The following ARHGAP6 variants were observed in gnomAD, a reference collection of about 807,000 sequenced individuals.
The protein encoded by ARHGAP6 is Rho GTPase activating protein 6.
Under a neutral mutation model 55.7 loss-of-function variants are expected in ARHGAP6, and 16 were observed. The ratio of observed to expected loss-of-function variants is 0.29; its 90% CI spans 0.19 to 0.44. The LOEUF is 0.44. Among genes scored for constraint, ARHGAP6 ranks in the 20% least tolerant of loss-of-function variants. The pLI is 1.00. For synonymous variants in ARHGAP6, 382 were observed against 360.9 expected, an observed-to-expected ratio of 1.06 and a Z score of -0.66; for missense variants, 698 against 808.9, an observed-to-expected ratio of 0.86 and a Z score of 1.66.
intron 1 of ARHGAP6, among the ~76,000 whole-genome samples, chrX:11,614,880 G>T (rs997837964): frequency 9.0e-6 from 1 of 111,224 alleles, no homozygotes; most frequent in African/African-American, 3.3e-5. Context: ...AATTTCATGG[G>T]TGGAGGCTGG....
intron 1 of ARHGAP6, among the ~76,000 whole-genome samples, chrX:11,644,092 C>T (rs752201238): frequency 9.0e-6 from 1 of 111,330 alleles, no homozygotes; most frequent in South Asian, 3.8e-4. Context: ...GTAGGTAATT[C>T]AATGTTGTAC....
intron 1 of ARHGAP6, among the ~76,000 whole-genome samples, chrX:11,503,889 C>T (rs2050705302): frequency 9.0e-6 from 1 of 111,204 alleles, no homozygotes; most frequent in South Asian, 3.7e-4. Flanking sequence ...CACACACAAA[C>T]ACATGCACAC....
intron 1 of ARHGAP6, among the ~76,000 whole-genome samples, chrX:11,289,574 A>G (rs2047961173): frequency 8.9e-6 from 1 of 112,248 alleles, no homozygotes; most frequent in Admixed American, 9.4e-5. Flanking sequence ...TCCACTTAAC[A>G]ATGTATCACC....
intron 1 of ARHGAP6, among the ~76,000 whole-genome samples, chrX:11,506,345 C>T (rs1012626078): frequency 4.5e-5 from 5 of 110,882 alleles, no homozygotes; most frequent in African/African-American, 1.6e-4. Flanking sequence ...CACCCATCAA[C>T]CTATCACCTA....
chrX:11,417,059 C>CATATATATAT lies in ARHGAP6; in HGVS notation c.589-162362_589-162353dup, dbSNP rs768174897. On this transcript the variant is annotated intron_variant, in intron 1 of 12. Coordinates refer to ENST00000337414, the MANE Select transcript of ARHGAP6 (RefSeq NM_013427.3). ...AGGATGTTCTTTATATGGGTGTGTACATATATATATATATATATATATATA... is the reference window on the plus strand; with the variant it reads ...AGGATGTTCTTTATATGGGTGTGTACATATATATATATATATATATATATATATATATATA... Among the ~76,000 whole-genome samples the CATATATATAT allele has an allele frequency of 5.3e-3, 175 of 33,326 alleles. 3 individuals carry two copies. Among genetic ancestry groups the CATATATATAT allele is most frequent in the Non-Finnish European group, 6.8e-3 (137 of 20,006 alleles). 28.9% of individuals were successfully genotyped at this position (33,326 alleles called of 115,157 possible).
intron 2 of ARHGAP6, chrX:11,223,221 GAAAC>G (rs2046996462): frequency 1.3e-5 from 2 of 154,390 alleles, no homozygotes; most frequent in South Asian, 1.3e-4. Flanking sequence ...AGCTTGCAAC[GAAAC>G]AAACAACAAA....
intron 1 of ARHGAP6, among the ~76,000 whole-genome samples, chrX:11,534,948 T>C (rs946178437): frequency 1.8e-5 from 2 of 111,660 alleles, no homozygotes; most frequent in African/African-American, 6.5e-5. Context: ...GGCTACTATA[T>C]TGAACAGTGC....
At position 11,332,529 on chromosome X, in the gene ARHGAP6, AC is replaced by A. The variant is rs1043879207; in HGVS notation, c.589-77823del. 2.9e-4 allele frequency among the ~76,000 whole-genome samples: 33 copies of A among 112,167 alleles called. 1 individual carries two copies. The highest frequency in any genetic ancestry group is 4.6e-3 in the Middle Eastern group (1 of 217). On this transcript the variant is annotated intron_variant, in intron 1 of 12. Coordinates refer to ENST00000337414, the MANE Select transcript of ARHGAP6 (RefSeq NM_013427.3). ...CATCCCTATGCTTTGTGAAGTGAAT[AC>A]ATCAAAGTGCCTCTCTTCCAAGATG...
At position 11,665,337 on chromosome X, in the gene ARHGAP6, C is replaced by A. The variant is rs1388032113; in HGVS notation, c.-509G>T. 8.8e-6 allele frequency: 1 copy of A among 113,606 alleles called. No homozygotes were observed. Among genetic ancestry groups the A allele is most frequent in the Non-Finnish European group, 1.9e-5 (1 of 53,645 alleles). The allele number at this position is 113,606 out of a possible 1,213,427, so 9.4% of individuals were successfully genotyped here. ...GCCCAGGGCGCGTCCACCGCGCTCC[C>A]GGCGCCGCGAGAACTTCCTCCCGCT... On this transcript the variant is annotated 5_prime_UTR_variant, in exon 1 of 13. Coordinates refer to ENST00000337414, the MANE Select transcript of ARHGAP6 (RefSeq NM_013427.3).
At chrX:11,208,031 A>G (rs1392491688) in intron 2 of ARHGAP6, among the ~76,000 whole-genome samples, 2 of 112,110 alleles carry the variant, frequency 1.8e-5, no homozygotes, top group East Asian at 2.8e-4. Context: ...TTTCCAATTA[A>G]GTACTGAATA....
intron 1 of ARHGAP6, among the ~76,000 whole-genome samples, chrX:11,614,661 C>T (rs773883270): frequency 4.6e-4 from 52 of 112,026 alleles, no homozygotes; most frequent in African/African-American, 1.6e-3. Context: ...CACAGAATGA[C>T]TGTTAAAACA....
chrX:11,160,660 CTT>C (rs1166003916), intron 9 of ARHGAP6, among the ~76,000 whole-genome samples: 1 of 111,685 alleles, frequency 9.0e-6, no homozygotes, highest in East Asian at 2.8e-4. Flanking sequence ...TAAAAAATAA[CTT>C]TCCATAAATT....
At chrX:11,314,745 T>C (rs754762044) in intron 1 of ARHGAP6, among the ~76,000 whole-genome samples, 6 of 111,359 alleles carry the variant, frequency 5.4e-5, no homozygotes, top group Admixed American at 1.9e-4. Flanking sequence ...TGAGAACACA[T>C]GGACACATGG....
chrX:11,201,604 A>T (rs918446821), intron 2 of ARHGAP6, among the ~76,000 whole-genome samples: 2 of 112,077 alleles, frequency 1.8e-5, no homozygotes, highest in Non-Finnish European at 3.8e-5. Context: ...TAAAAGAAAG[A>T]AGTTCAATTG....
At chrX:11,183,389 C>A (rs1055800602) in intron 5 of ARHGAP6, among the ~76,000 whole-genome samples, 16 of 111,784 alleles carry the variant, frequency 1.4e-4, no homozygotes, top group African/African-American at 5.2e-4. Context: ...GTTCACATTT[C>A]TGATTGCTTT....
chrX:11,228,006 T>C (rs2047079051), intron 2 of ARHGAP6, among the ~76,000 whole-genome samples: 1 of 110,974 alleles, frequency 9.0e-6, no homozygotes, highest in African/African-American at 3.3e-5. Flanking sequence ...AGTATTAACA[T>C]ACAACATTTT....
rs192292265 is a variant in ARHGAP6, at chrX:11,449,598, A to T, written c.589-194891T>A. On this transcript the variant is annotated intron_variant, in intron 1 of 12. Coordinates refer to ENST00000337414, the MANE Select transcript of ARHGAP6 (RefSeq NM_013427.3). ...CCTGTACATGCCTTCTCTTGGATTAAAAGTCATCATTTATTTTCTACATGT... is the reference window on the plus strand; with the variant it reads ...CCTGTACATGCCTTCTCTTGGATTATAAGTCATCATTTATTTTCTACATGT... Among the ~76,000 whole-genome samples, 5 of 112,282 alleles carry T rather than the reference A, an allele frequency of 4.5e-5. No individual in the cohort carries two copies. The East Asian group carries it at 1.1e-3, about 25-fold the overall frequency.
chrX:11,450,206 G>A (rs189292398), intron 1 of ARHGAP6, among the ~76,000 whole-genome samples: 11 of 76,666 alleles, frequency 1.4e-4, no homozygotes, highest in African/African-American at 6.2e-4. Context: ...AATAATAAGT[G>A]TGTGTGTGTG....
chrX:11,258,663 G>A (rs750453544), intron 1 of ARHGAP6, among the ~76,000 whole-genome samples: 9 of 111,327 alleles, frequency 8.1e-5, no homozygotes, highest in Non-Finnish European at 1.7e-4. Flanking sequence ...AGTAAAGTGC[G>A]ATGCTTCAAG....
Sources: gnomAD v4.1 joint callset for allele counts (sites outside exome capture counted in the v4.1 genomes callset) on GRCh38, gnomAD v4.1.1 for gene constraint, MANE v1.5 for transcripts, NCBI Gene and HGNC (gene_info 2026-07-23, HGNC 2026-07-21) for gene names.